Variants in ROBO2 observed in about 807,000 individuals in gnomAD.
ROBO2 encodes roundabout homolog 2.
Under a neutral mutation model 160.8 loss-of-function variants are expected in ROBO2, and 53 were observed. The ratio of observed to expected loss-of-function variants is 0.33; its 90% CI spans 0.26 to 0.41. The LOEUF is 0.41. Among genes scored for constraint, ROBO2 ranks in the 10% least tolerant of loss-of-function variants. ROBO2 has a pLI of 1.00. For synonymous variants in ROBO2, 664 were observed against 611.7 expected (o/e 1.09, Z -1.26); for missense variants, 1,577 against 1,722.4 (o/e 0.92, Z 1.49).
chr3:77,500,995 G>C (rs1047986529), intron 5 of ROBO2, among the ~76,000 whole-genome samples: 1 of 152,192 alleles, frequency 6.6e-6, no homozygotes, highest in African/African-American at 2.4e-5. Context: ...TGTGGGCAGA[G>C]CCAAGACCAG....
chr3:77,289,954 T>G (rs1176489891), intron 2 of ROBO2, among the ~76,000 whole-genome samples: 2 of 151,520 alleles, frequency 1.3e-5, no homozygotes. Context: ...TGAGGCTAGA[T>G]CACCCCAGAC....
intron 5 of ROBO2, among the ~76,000 whole-genome samples, chr3:77,514,239 T>G (rs1283767918): frequency 6.6e-6 from 1 of 151,706 alleles, no homozygotes; most frequent in Non-Finnish European, 1.5e-5. Context: ...GAATGCTAAA[T>G]GCAATTAAAA....
intron 2 of ROBO2, among the ~76,000 whole-genome samples, chr3:76,672,574 TA>T (rs1235383474): frequency 6.6e-6 from 1 of 152,144 alleles, no homozygotes; most frequent in Non-Finnish European, 1.5e-5. Flanking sequence ...AGAGTGTTTG[TA>T]CATTTGAGGG....
chr3:76,478,981 A>G (rs1577489095), intron 2 of ROBO2, among the ~76,000 whole-genome samples: 1 of 152,088 alleles, frequency 6.6e-6, no homozygotes, highest in Admixed American at 6.6e-5. Flanking sequence ...CACACTGTTA[A>G]CTAGAAAGTT....
Position 77,014,119 on chromosome 3 carries a change from C to T in ROBO2, c.110-83895C>T, listed in dbSNP as rs969039666. Among the ~76,000 whole-genome samples, 22 of 151,418 alleles carry T rather than the reference C, an allele frequency of 1.5e-4. No homozygotes were observed. The South Asian group carries it at 2.3e-3, about 16-fold the overall frequency. ...TGTACAAATACTTTCAAAATCATTA[C>T]AGTTGTGTGAAATCTCATTTTCTTC... is the stretch of plus-strand genomic sequence containing the variant. On this transcript the variant is annotated intron_variant, in intron 2 of 26. Transcript: ENST00000487694.
intron 2 of ROBO2, among the ~76,000 whole-genome samples, chr3:77,212,405 T>A (rs1160970209): frequency 4.6e-5 from 7 of 152,216 alleles, no homozygotes; most frequent in African/African-American, 9.6e-5. Flanking sequence ...AGAATGCTTG[T>A]GATTTTTGGA....
At chr3:77,271,190 G>C (rs956731692) in intron 2 of ROBO2, among the ~76,000 whole-genome samples, 1 of 152,066 alleles carries the variant, frequency 6.6e-6, no homozygotes, top group Non-Finnish European at 1.5e-5. Flanking sequence ...CTAGGTGTTA[G>C]AATGATAACA....
chr3:76,559,582 C>T (rs976340175), intron 2 of ROBO2, among the ~76,000 whole-genome samples: 6 of 152,092 alleles, frequency 3.9e-5, no homozygotes, highest in African/African-American at 1.4e-4. Context: ...CTATACTCTT[C>T]CCAAGTCTTT....
At chr3:77,384,183 C>T (rs2073861559) in intron 2 of ROBO2, among the ~76,000 whole-genome samples, 1 of 152,050 alleles carries the variant, frequency 6.6e-6, no homozygotes, top group Non-Finnish European at 1.5e-5. Flanking sequence ...TCAATTATTT[C>T]CCAGAATGCT....
In ROBO2 at chr3:76,020,337, A is replaced by G. The variant is rs148048482; in HGVS notation, c.109+82735A>G. 5.5e-3 allele frequency among the ~76,000 whole-genome samples: 840 copies of G among 151,918 alleles called. 9 individuals carry two copies. The highest frequency in any genetic ancestry group is 0.02 in the African/African-American group (811 of 41,518). ...TTTATTGAATTTAACCTTTAACTAGAAAGTTAATTTTTTTACATTTATTAC... is the reference window on the plus strand; with the variant it reads ...TTTATTGAATTTAACCTTTAACTAGGAAGTTAATTTTTTTACATTTATTAC... On this transcript the variant is annotated intron_variant, in intron 2 of 26. Coordinates refer to the ROBO2 transcript ENST00000487694.
In ROBO2 at chr3:77,078,021, T is replaced by G. The variant is rs573879196; in HGVS notation, c.62-19993T>G. Among the ~76,000 whole-genome samples the G allele has an allele frequency of 2.0e-5, 3 of 152,302 alleles. No individual in the cohort carries two copies. The South Asian group carries it at 6.2e-4, about 32-fold the overall frequency. ...ACACACAGTAACTTTGTTTCAGTAA[T>G]TAATCACATTATTGATATCAGTGAG... On this transcript the variant is annotated intron_variant, in intron 1 of 25. Transcript: ENST00000461745.
chr3:76,488,774 G>T (rs2079639641), intron 2 of ROBO2, among the ~76,000 whole-genome samples: 1 of 151,976 alleles, frequency 6.6e-6, no homozygotes, highest in African/African-American at 2.4e-5. Context: ...ACACAAAAAA[G>T]GGTGTGTCAG....
At chr3:76,992,878 C>CA (rs2060771345) in intron 2 of ROBO2, among the ~76,000 whole-genome samples, 1 of 152,064 alleles carries the variant, frequency 6.6e-6, no homozygotes, top group Admixed American at 6.6e-5. Flanking sequence ...AGTGCAGTGG[C>CA]AAAATCCTGG....
At chr3:76,720,198 G>C (rs1433116753) in intron 2 of ROBO2, among the ~76,000 whole-genome samples, 1 of 152,144 alleles carries the variant, frequency 6.6e-6, no homozygotes, top group Non-Finnish European at 1.5e-5. Context: ...CAAGAAGAGG[G>C]TTGTCCATGA....
At chr3:76,895,657 G>C (rs2074710497) in intron 2 of ROBO2, among the ~76,000 whole-genome samples, 1 of 152,074 alleles carries the variant, frequency 6.6e-6, no homozygotes, top group South Asian at 2.1e-4. Context: ...GCAAAGCTAA[G>C]GTCTTGGAAG....
chr3:77,307,888 G>T (rs750256309), intron 2 of ROBO2, among the ~76,000 whole-genome samples: 14 of 151,982 alleles, frequency 9.2e-5, no homozygotes, highest in African/African-American at 1.9e-4. Flanking sequence ...AACCCATAAA[G>T]CGGTGGTTGC....
chr3:77,489,210 G>A (rs977127949), intron 4 of ROBO2, among the ~76,000 whole-genome samples: 1 of 152,156 alleles, frequency 6.6e-6, no homozygotes, highest in Non-Finnish European at 1.5e-5. Flanking sequence ...TCATGTATGT[G>A]CAGGCGACTT....
chr3:76,253,906 GA>G (rs886226849), intron 2 of ROBO2, among the ~76,000 whole-genome samples: 3 of 151,046 alleles, frequency 2.0e-5, no homozygotes, highest in Admixed American at 2.0e-4. Context: ...CTTGAAAGAA[GA>G]AAAATGGAAA....
At chr3:77,347,501 AGT>A (rs1214578389) in intron 2 of ROBO2, among the ~76,000 whole-genome samples, 1 of 151,990 alleles carries the variant, frequency 6.6e-6, no homozygotes, top group African/African-American at 2.4e-5. Flanking sequence ...AAGAATCTAT[AGT>A]GTGTCATATC....
Sources: gnomAD v4.1 joint callset for allele counts (sites outside exome capture counted in the v4.1 genomes callset) on GRCh38, gnomAD v4.1.1 for gene constraint, MANE v1.5 for transcripts, NCBI Gene and HGNC (gene_info 2026-07-23, HGNC 2026-07-21) for gene names.